Variants in MSH3 observed in about 807,000 individuals in gnomAD.
The protein encoded by MSH3 is mutS homolog 3, also known as DNA mismatch repair protein Msh3.
Under a neutral mutation model 123.3 loss-of-function variants are expected in MSH3, and 106 were observed. That is an observed-to-expected ratio of 0.86 (90% CI 0.73 to 1.01). MSH3 has a LOEUF of 1.01. MSH3 is among the 50% of genes least tolerant of loss of function. The pLI is 0.00. For missense variants in MSH3, 1,459 were observed against 1,347.6 expected, an observed-to-expected ratio of 1.08 and a Z score of -1.29; for synonymous variants, 515 against 481.4, an observed-to-expected ratio of 1.07 and a Z score of -0.91.
At chr5:80,670,477 G>C (rs1049877664) in intron 4 of MSH3, among the ~76,000 whole-genome samples, 168 bp downstream of exon 4, 1 of 152,072 alleles carries the variant, frequency 6.6e-6, no homozygotes, top group African/African-American at 2.4e-5. Flanking sequence ...CAAGAAACTT[G>C]GTGGGAACCA....
At position 80,675,066 on chromosome 5, in the gene MSH3, ATC is replaced by A; in HGVS notation, c.1115_1116del (p.Ser372Ter). The stretch of plus-strand genomic sequence containing the variant: ...TACTTCTACCAGCTATCTTCTGTGC[ATC>A]TCTGAAAATAAGGAAAATGTTAGGG... ...TDTSTSYLLCISENKENVRDK... is the reference protein window; with the variant it reads ...TDTSTSYLLCXSENKENVRDK... On this transcript the variant is annotated frameshift_variant, in exon 7 of 24. Coordinates refer to ENST00000265081, the MANE Select transcript of MSH3 (RefSeq NM_002439.5). LOFTEE classifies it high-confidence loss of function. 1 of 1,613,680 alleles carries A rather than the reference ATC, an allele frequency of 6.2e-7. No individual in the cohort carries two copies. The highest frequency in any genetic ancestry group is 8.5e-7 in the Non-Finnish European group (1 of 1,179,750).
chr5:80,761,044 A>G (rs1342914473), intron 12 of MSH3, among the ~76,000 whole-genome samples: 1 of 152,156 alleles, frequency 6.6e-6, no homozygotes, highest in Non-Finnish European at 1.5e-5. Context: ...GCATGGAAGG[A>G]CCAGATATAT....
chr5:80,737,827 G>C (rs1743539910), intron 10 of MSH3, among the ~76,000 whole-genome samples: 1 of 152,118 alleles, frequency 6.6e-6, no homozygotes, highest in South Asian at 2.1e-4. Flanking sequence ...AGTCCTTGTA[G>C]TTGCTTGATA....
intron 8 of MSH3, among the ~76,000 whole-genome samples, chr5:80,690,571 G>A (rs1750207574): frequency 6.6e-6 from 1 of 152,092 alleles, no homozygotes; most frequent in African/African-American, 2.4e-5. Context: ...GTCCGCCTTG[G>A]CCTCCAAATT....
intron 21 of MSH3, among the ~76,000 whole-genome samples, chr5:80,856,384 A>C (rs1411467128): frequency 1.3e-5 from 2 of 152,004 alleles, no homozygotes; most frequent in Non-Finnish European, 2.9e-5. Flanking sequence ...GGAAATGATG[A>C]GTTCATGTCC....
In MSH3 at chr5:80,792,836, G is replaced by C; in HGVS notation, c.2647G>C (p.Asp883His). 6.2e-7 allele frequency: 1 copy of C among 1,602,726 alleles called. No homozygotes were observed. Among genetic ancestry groups the C allele is most frequent in the Non-Finnish European group, 8.5e-7 (1 of 1,169,976 alleles). ...GGATCAATATGTCCCAAATAATACA[G>C]ATTTATCAGTAAGTACCTTATGCCA... ...EQDQYVPNNT[D>H]LSEDSERVMI... The change falls in exon 19 of 24, where the codon GAT becomes CAT. Residue 883 changes from aspartate (D) to histidine (H), a missense_variant. Coordinates refer to ENST00000265081, the MANE Select transcript of MSH3 (RefSeq NM_002439.5).
At chr5:80,746,204 G>A in intron 12 of MSH3, 1 of 223,538 alleles carries the variant, frequency 4.5e-6, no homozygotes, top group South Asian at 6.0e-5. Context: ...CATTCACTGA[G>A]GACAATATTC....
At chr5:80,770,582 C>G (rs562436092) in intron 15 of MSH3, among the ~76,000 whole-genome samples, 1 of 152,178 alleles carries the variant, frequency 6.6e-6, no homozygotes, top group South Asian at 2.1e-4. Flanking sequence ...GGAAAGAAAA[C>G]CAAGGTTTGG....
Position 80,792,938 on chromosome 5 carries a change from T to C in MSH3, c.2655+94T>C. On this transcript the variant is annotated intron_variant, in intron 19 of 23. Coordinates refer to ENST00000265081, the MANE Select transcript of MSH3 (RefSeq NM_002439.5). Reference sequence around the variant, plus strand: ...TTTATAATTAAAAGTTACCCAAATTTCAACTTTGGCTTTAAATGGGCTAAG... The same window carrying C: ...TTTATAATTAAAAGTTACCCAAATTCCAACTTTGGCTTTAAATGGGCTAAG... 3 of 836,142 alleles carry C rather than the reference T, an allele frequency of 3.6e-6. No homozygotes were observed. In the South Asian group the frequency reaches 4.6e-5, roughly 13 times the overall value. 51.8% of individuals were successfully genotyped at this position (836,142 alleles called of 1,614,324 possible). A position where few individuals can be genotyped will look rare whatever the true frequency, so the allele number is the denominator to read the frequency against.
chr5:80,777,389 G>A (rs1259351732), intron 16 of MSH3, among the ~76,000 whole-genome samples: 1 of 150,082 alleles, frequency 6.7e-6, no homozygotes, highest in African/African-American at 2.5e-5. Context: ...ATCTGTTTTT[G>A]TCCTGTACCA....
intron 20 of MSH3, among the ~76,000 whole-genome samples, chr5:80,845,589 T>G (rs1193876882): frequency 5.3e-5 from 8 of 152,234 alleles, no homozygotes; most frequent in Non-Finnish European, 1.0e-4. Context: ...TCATGGAGGC[T>G]TTGTTGATTT....
intron 13 of MSH3, among the ~76,000 whole-genome samples, chr5:80,763,414 A>G (rs936128191): frequency 6.6e-6 from 1 of 152,160 alleles, no homozygotes; most frequent in Non-Finnish European, 1.5e-5. Flanking sequence ...TATTGGGTAC[A>G]CCATGTTATT....
intron 8 of MSH3, among the ~76,000 whole-genome samples, chr5:80,708,411 T>C (rs1750767097): frequency 6.6e-6 from 1 of 152,136 alleles, no homozygotes; most frequent in Non-Finnish European, 1.5e-5. Context: ...CATTGAATTA[T>C]GTTGATGCCA....
In MSH3 at chr5:80,743,942, A is replaced by G. The variant is rs112140176; in HGVS notation, c.1654-564A>G. On this transcript the variant is annotated intron_variant, in intron 11 of 23. Coordinates refer to ENST00000265081, the MANE Select transcript of MSH3 (RefSeq NM_002439.5). Reference sequence around the variant, plus strand: ...TCAGTGGGCTTTGTACTACTGTGAAACCTTGGTTAAAATTAATTATGTCTA... The same window carrying G: ...TCAGTGGGCTTTGTACTACTGTGAAGCCTTGGTTAAAATTAATTATGTCTA... 5.3e-5 allele frequency among the ~76,000 whole-genome samples: 8 copies of G among 152,264 alleles called. 1 individual carries two copies. The highest frequency in any genetic ancestry group is 1.9e-4 in the African/African-American group (8 of 41,572).
At chr5:80,708,369 T>C (rs1042078033) in intron 8 of MSH3, among the ~76,000 whole-genome samples, 7 of 152,162 alleles carry the variant, frequency 4.6e-5, no homozygotes, top group East Asian at 3.8e-4. Flanking sequence ...ACCAGTTGTT[T>C]CCACACTGTT....
chr5:80,682,805 A>G (rs1345025460), intron 8 of MSH3, among the ~76,000 whole-genome samples: 1 of 151,988 alleles, frequency 6.6e-6, no homozygotes, highest in Non-Finnish European at 1.5e-5. Context: ...TTGCACTATC[A>G]AATGCTAGGT....
chr5:80,871,999 G>A (rs1388593491), intron 22 of MSH3, among the ~76,000 whole-genome samples: 1 of 152,126 alleles, frequency 6.6e-6, no homozygotes, highest in Non-Finnish European at 1.5e-5. Context: ...TTGCAGGCCA[G>A]CAATCTTTCT....
At chr5:80,730,445 TG>T (rs1743390200) in intron 10 of MSH3, among the ~76,000 whole-genome samples, 1 of 152,198 alleles carries the variant, frequency 6.6e-6, no homozygotes, top group Non-Finnish European at 1.5e-5. Flanking sequence ...AGGTTGGGGA[TG>T]GACGTGGCAT....
At chr5:80,836,622 G>T (rs1200619358) in intron 20 of MSH3, among the ~76,000 whole-genome samples, 8 of 148,166 alleles carry the variant, frequency 5.4e-5, no homozygotes, top group Admixed American at 1.3e-4. Context: ...GGACCCCCCA[G>T]TATGAAAATC....
Sources: allele counts gnomAD v4.1 joint callset (sites outside exome capture counted in the v4.1 genomes callset), GRCh38; gene constraint gnomAD v4.1.1; transcripts MANE v1.5; gene names NCBI Gene and HGNC (gene_info 2026-07-23, HGNC 2026-07-21).